The following TMPO variants were observed in gnomAD, a reference collection of about 807,000 sequenced individuals.
The protein encoded by TMPO is thymopoietin.
Under a neutral mutation model 45.4 loss-of-function variants are expected in TMPO, and 22 were observed. That is an observed-to-expected ratio of 0.48 (90% CI 0.35 to 0.69). TMPO has a LOEUF of 0.69. Among genes scored for constraint, TMPO ranks in the 30% least tolerant of loss-of-function variants. The pLI, the probability that TMPO is intolerant of heterozygous loss-of-function variation, is 0.01. For synonymous variants in TMPO, 241 were observed against 204.1 expected, an observed-to-expected ratio of 1.18 and a Z score of -1.54; for missense variants, 512 against 548.8, an observed-to-expected ratio of 0.93 and a Z score of 0.67.
chr12:98,531,027 C>T (rs1427687372), intron 2 of TMPO, among the ~76,000 whole-genome samples: 1 of 152,186 alleles, frequency 6.6e-6, no homozygotes, highest in Non-Finnish European at 1.5e-5. Context: ...ACCGCAACCT[C>T]CATCTCCTGG....
intron 1 of TMPO, among the ~76,000 whole-genome samples, chr12:98,524,634 C>G (rs964896003): frequency 2.6e-5 from 4 of 152,100 alleles, no homozygotes; most frequent in East Asian, 1.9e-4. Context: ...TGCTCTATCG[C>G]CCAGGCTGGA....
chr12:98,516,756 T>A (rs1366505539), intron 1 of TMPO, among the ~76,000 whole-genome samples: 1 of 152,248 alleles, frequency 6.6e-6, no homozygotes, highest in Non-Finnish European at 1.5e-5. Context: ...CATGCCGAAT[T>A]AAAAGGAGCA....
At chr12:98,537,329 C>A in intron 3 of TMPO, 146 bp from the exon 4 acceptor site, 2 of 629,394 alleles carry the variant, frequency 3.2e-6, no homozygotes. Context: ...TGCAGTTAAA[C>A]AATTTTGGAC....
At chr12:98,533,094 A>G in intron 3 of TMPO, 1 of 1,614,082 alleles carries the variant, frequency 6.2e-7, no homozygotes, top group Non-Finnish European at 8.5e-7. Flanking sequence ...TGTTTATTTC[A>G]TGCAAGTCTA....
At chr12:98,517,793 T>C (rs1456231087) in intron 1 of TMPO, among the ~76,000 whole-genome samples, 1 of 152,244 alleles carries the variant, frequency 6.6e-6, no homozygotes, top group Non-Finnish European at 1.5e-5. Context: ...AATTTACTTT[T>C]GAAATAAAAG....
chr12:98,524,687 A>G (rs1876631502), intron 1 of TMPO, among the ~76,000 whole-genome samples: 1 of 152,140 alleles, frequency 6.6e-6, no homozygotes. Context: ...TCCGCCTCCC[A>G]GATTCAAGCA....
At chr12:98,527,007 T>C (rs1455363927) in intron 1 of TMPO, among the ~76,000 whole-genome samples, 1 of 151,676 alleles carries the variant, frequency 6.6e-6, no homozygotes, top group Non-Finnish European at 1.5e-5. Flanking sequence ...TGTATCTAAG[T>C]GTAAGCCTGT....
chr12:98,534,586 A>C, intron 3 of TMPO: 2 of 1,275,066 alleles, frequency 1.6e-6, no homozygotes, highest in South Asian at 3.4e-5. Context: ...ATTAGTCTCT[A>C]AGTTGTTTTC....
intron 3 of TMPO, chr12:98,535,148 G>A (rs1877491952): frequency 1.0e-6 from 1 of 984,910 alleles, no homozygotes; most frequent in African/African-American, 1.7e-5. Flanking sequence ...AGATATCCTG[G>A]GATAGTGCAT....
At chr12:98,533,741 A>T in intron 3 of TMPO, 1 of 1,614,210 alleles carries the variant, frequency 6.2e-7, no homozygotes, top group Non-Finnish European at 8.5e-7. Context: ...TTTCCCTTCC[A>T]TGAATCTATT....
rs192060242 is a variant in TMPO at position 98,540,443 on chromosome 12, A to T, written c.663+2871A>T. Among the ~76,000 whole-genome samples the T allele has an allele frequency of 1.1e-4, 16 of 152,180 alleles. No homozygotes were observed. The East Asian group carries it at 3.1e-3, about 29-fold the overall frequency. On this transcript the variant is annotated intron_variant, in intron 4 of 8. Transcript: ENST00000556029. ...CATTCTTTTTGCCAAGGTTGGTGTG[A>T]TCTCAGCTCCCCACAACCTCTGCCT...
chr12:98,517,367 G>A (rs1565802520), intron 1 of TMPO, among the ~76,000 whole-genome samples: 1 of 152,178 alleles, frequency 6.6e-6, no homozygotes, highest in East Asian at 1.9e-4. Flanking sequence ...GCTTATGCCT[G>A]CCGAGTTACC....
At chr12:98,517,767 A>C (rs2121108057) in intron 1 of TMPO, among the ~76,000 whole-genome samples, 1 of 152,368 alleles carries the variant, frequency 6.6e-6, no homozygotes, top group East Asian at 1.9e-4. Flanking sequence ...AAGCTTCTTT[A>C]ATTTCTTAAT....
chr12:98,522,935 A>T (rs913076457), intron 1 of TMPO, among the ~76,000 whole-genome samples: 2 of 152,208 alleles, frequency 1.3e-5, no homozygotes, highest in African/African-American at 4.8e-5. Flanking sequence ...TTATGGTTCA[A>T]CATCTTTATA....
In TMPO at chr12:98,515,724, G is replaced by C. The variant is rs1029894712; in HGVS notation, c.-144G>C. On this transcript the variant is annotated 5_prime_UTR_variant, in exon 1 of 9. Transcript: ENST00000556029. ...GTCTGGCTTGGCTTTGTGTCCGCGAGTTTTTGTTCCGCTCCGCAGCGCTCT... is the reference window on the plus strand; with the variant it reads ...GTCTGGCTTGGCTTTGTGTCCGCGACTTTTTGTTCCGCTCCGCAGCGCTCT... 3.3e-6 allele frequency: 5 copies of C among 1,513,630 alleles called. 1 individual carries two copies. Among genetic ancestry groups the C allele is most frequent in the African/African-American group, 2.8e-5 (2 of 71,820 alleles). 93.8% of individuals were successfully genotyped at this position (1,513,630 alleles called of 1,614,324 possible).
intron 4 of TMPO, among the ~76,000 whole-genome samples, chr12:98,539,280 GAATA>G (rs1232326319): frequency 1.3e-5 from 2 of 152,050 alleles, no homozygotes; most frequent in African/African-American, 2.4e-5. Flanking sequence ...CTGAGGAGCA[GAATA>G]AATAGTCAAA....
intron 3 of TMPO, chr12:98,534,339 C>G: frequency 6.2e-7 from 1 of 1,611,820 alleles, no homozygotes. Flanking sequence ...GAAATAAACA[C>G]TAGTAAAATT....
At chr12:98,547,376 A>G (rs1878289098) in intron 8 of TMPO, among the ~76,000 whole-genome samples, 197 bp from the exon 9 acceptor site, 1 of 152,276 alleles carries the variant, frequency 6.6e-6, no homozygotes, top group Non-Finnish European at 1.5e-5. Context: ...TGCCCAGCCC[A>G]TCTAACTTTT....
At chr12:98,547,494 C>T in intron 8 of TMPO, 79 bp from the exon 9 acceptor site, 2 of 1,537,310 alleles carry the variant, frequency 1.3e-6, no homozygotes, top group East Asian at 2.3e-5. Flanking sequence ...TTAGGAGTGG[C>T]AATGACATTT....
Sources: gnomAD v4.1 joint callset for allele counts (sites outside exome capture counted in the v4.1 genomes callset) on GRCh38, gnomAD v4.1.1 for gene constraint, MANE v1.5 for transcripts, NCBI Gene and HGNC (gene_info 2026-07-23, HGNC 2026-07-21) for gene names.